PTPRD: variants seen among roughly 807,000 people sequenced by gnomAD.
PTPRD encodes the protein receptor-type tyrosine-protein phosphatase delta.
In PTPRD, 34 loss-of-function variants were observed where a neutral mutation model predicts 214.5. The observed-to-expected ratio is 0.16, with a 90% CI of 0.12 to 0.21. PTPRD has a LOEUF of 0.21. Ranked by LOEUF, PTPRD falls within the 10% of genes least tolerant of loss-of-function variation. The pLI, the probability that PTPRD is intolerant of heterozygous loss-of-function variation, is 1.00. For missense variants in PTPRD, 2,545 were observed against 2,398.7 expected, an observed-to-expected ratio of 1.06 and a Z score of -1.27; for synonymous variants, 1,128 against 845.7, an observed-to-expected ratio of 1.33 and a Z score of -5.79.
intron 3 of PTPRD, among the ~76,000 whole-genome samples, chr9:10,050,865 T>A (rs1354144452): frequency 6.6e-6 from 1 of 152,064 alleles, no homozygotes; most frequent in Non-Finnish European, 1.5e-5. Flanking sequence ...TAATTCTCTA[T>A]CTAACTATCT....
chr9:8,464,165 C>T (rs1253022550), intron 32 of PTPRD, among the ~76,000 whole-genome samples: 1 of 151,832 alleles, frequency 6.6e-6, no homozygotes, highest in East Asian at 1.9e-4. Flanking sequence ...TCTGCAGGAT[C>T]GAATGAGATT....
intron 45 of PTPRD, among the ~76,000 whole-genome samples, 154 bp from the exon 46 acceptor site, chr9:8,318,096 T>G (rs541783218): frequency 1.5e-4 from 23 of 152,206 alleles, no homozygotes; most frequent in Admixed American, 3.9e-4. Context: ...ACCAATTGTT[T>G]ATAGTGAACA....
chr9:10,112,916 C>G (rs564106825), intron 3 of PTPRD, among the ~76,000 whole-genome samples: 1 of 152,298 alleles, frequency 6.6e-6, no homozygotes, highest in Non-Finnish European at 1.5e-5. Flanking sequence ...CTTGTCTGTT[C>G]TAAGCCACAT....
intron 10 of PTPRD, among the ~76,000 whole-genome samples, chr9:9,131,863 A>T: frequency 6.6e-6 from 1 of 150,794 alleles, no homozygotes; most frequent in East Asian, 1.9e-4. Flanking sequence ...TAAAATTTTT[A>T]AAATTTGGCA....
chr9:8,965,178 G>C (rs1412923754), intron 11 of PTPRD, among the ~76,000 whole-genome samples: 5 of 152,024 alleles, frequency 3.3e-5, no homozygotes, highest in African/African-American at 4.8e-5. Flanking sequence ...AGGAGTTCGA[G>C]ACCAGCCTGG....
chr9:9,771,746 T>C (rs2098753433), intron 5 of PTPRD, among the ~76,000 whole-genome samples: 1 of 152,192 alleles, frequency 6.6e-6, no homozygotes, highest in African/African-American at 2.4e-5. Flanking sequence ...AGAAAGATGC[T>C]CTATACAGTG....
chr9:9,047,486 T>G (rs1036659103), intron 10 of PTPRD, among the ~76,000 whole-genome samples: 4 of 152,116 alleles, frequency 2.6e-5, no homozygotes, highest in Non-Finnish European at 4.4e-5. Flanking sequence ...AGAATCATAT[T>G]ATCTGATTTC....
chr9:8,966,856 A>G (rs1272666600), intron 11 of PTPRD, among the ~76,000 whole-genome samples: 1 of 152,132 alleles, frequency 6.6e-6, no homozygotes, highest in African/African-American at 2.4e-5. Context: ...CAAACTGTGC[A>G]TCCGACAAAG....
At chr9:9,609,531 TGGTTCACTGCAACCTCTGCCTCCCA>T (rs1457620304) in intron 7 of PTPRD, among the ~76,000 whole-genome samples, 1 of 152,144 alleles carries the variant, frequency 6.6e-6, no homozygotes, top group Non-Finnish European at 1.5e-5. Flanking sequence ...GGTGCAATCT[TGGTTCACTGCAACCTCTGCCTCCCA>T]GGTTCAAGCA....
At chr9:9,291,570 T>C (rs1009524674) in intron 9 of PTPRD, among the ~76,000 whole-genome samples, 19 of 151,408 alleles carry the variant, frequency 1.3e-4, no homozygotes, top group African/African-American at 4.6e-4. Context: ...AATATGTGAT[T>C]AACTTGTTAA....
At chr9:8,478,291 GGCT>G (rs1312787911) in intron 30 of PTPRD, among the ~76,000 whole-genome samples, 1 of 151,972 alleles carries the variant, frequency 6.6e-6, no homozygotes, top group East Asian at 1.9e-4. Flanking sequence ...CTCTTCATTA[GGCT>G]GCTAATAGTG....
chr9:8,712,267 GACAGCCTGTATCA>G (rs1053567778), intron 12 of PTPRD, among the ~76,000 whole-genome samples: 1 of 152,128 alleles, frequency 6.6e-6, no homozygotes. Flanking sequence ...TAAGAGTAAA[GACAGCCTGTATCA>G]ACAGTATTTT....
chr9:10,166,650 A>C (rs2099161040), intron 3 of PTPRD, among the ~76,000 whole-genome samples: 1 of 151,992 alleles, frequency 6.6e-6, no homozygotes. Context: ...GTTCAAATCA[A>C]ATTTGAACCA....
intron 35 of PTPRD, among the ~76,000 whole-genome samples, chr9:8,414,550 G>A (rs73640912): frequency 0.024 from 3,594 of 152,126 alleles, 138 homozygotes; most frequent in African/African-American, 0.082. Context: ...TATGTTGGGA[G>A]TTATAGGGAG....
At chr9:9,871,709 C>T (rs2065492041) in intron 5 of PTPRD, among the ~76,000 whole-genome samples, 1 of 151,494 alleles carries the variant, frequency 6.6e-6, no homozygotes, top group Admixed American at 6.6e-5. Context: ...GGGTATGCAA[C>T]CTAACCTCTT....
chr9:8,566,250 T>C (rs995512149), intron 14 of PTPRD, among the ~76,000 whole-genome samples: 2 of 151,976 alleles, frequency 1.3e-5, no homozygotes, highest in Admixed American at 6.6e-5. Flanking sequence ...CTGCTTGCTC[T>C]AGGGTTAGGT....
chr9:9,347,819 T>C (rs185182407), intron 9 of PTPRD, among the ~76,000 whole-genome samples: 53 of 152,276 alleles, frequency 3.5e-4, no homozygotes, highest in African/African-American at 1.1e-3. Flanking sequence ...CTTCACTCTG[T>C]AAAGGCACTA....
chr9:10,487,500 A>T (rs185262527), intron 2 of PTPRD, among the ~76,000 whole-genome samples: 63 of 152,292 alleles, frequency 4.1e-4, no homozygotes, highest in African/African-American at 1.5e-3. Context: ...TGAGGCTTGC[A>T]AATACTATCT....
intron 7 of PTPRD, among the ~76,000 whole-genome samples, chr9:9,664,160 C>G (rs565477615): frequency 6.0e-5 from 9 of 148,844 alleles, no homozygotes; most frequent in African/African-American, 2.2e-4. Context: ...TAAAGAGTCC[C>G]TTACACAGCC....
Sources: allele counts gnomAD v4.1 joint callset (sites outside exome capture counted in the v4.1 genomes callset), GRCh38; gene constraint gnomAD v4.1.1; transcripts MANE v1.5; gene names NCBI Gene and HGNC (gene_info 2026-07-23, HGNC 2026-07-21).